The following ATXN10 variants were observed in gnomAD, a reference collection of about 807,000 sequenced individuals.
ATXN10 encodes ataxin-10.
A neutral mutation model predicts 52.9 loss-of-function variants in ATXN10; 28 were observed. The ratio of observed to expected loss-of-function variants is 0.53; its 90% confidence interval spans 0.39 to 0.73. The LOEUF (loss-of-function observed/expected upper bound fraction) is 0.73, where lower values mean the gene tolerates loss of function less well. Among genes scored for constraint, ATXN10 ranks in the 30% least tolerant of loss-of-function variants. The pLI, the probability that ATXN10 is intolerant of heterozygous loss-of-function variation, is 0.00. For missense variants in ATXN10, 565 were observed against 577.0 expected (o/e 0.98, Z 0.21); for synonymous variants, 226 against 221.5 (o/e 1.02, Z -0.18).
At chr22:45,748,352 G>A (rs1925818400) in intron 9 of ATXN10, among the ~76,000 whole-genome samples, 1 of 152,114 alleles carries the variant, frequency 6.6e-6, no homozygotes, top group South Asian at 2.1e-4. Context: ...ATTTCACAAG[G>A]ATTTGCAAAG....
rs1206973260 is a variant in ATXN10, at chr22:45,763,134, G to A, written c.1173+22596G>A. 1.3e-5 allele frequency among the ~76,000 whole-genome samples: 2 copies of A among 152,174 alleles called. No homozygotes were observed. Among genetic ancestry groups the A allele is most frequent in the Non-Finnish European group, 2.9e-5 (2 of 68,028 alleles). Reference sequence around the variant, plus strand: ...AGGAGGCCTAGGAAATGATGTTTCTGTGGCCTTCCTACCCCCTCTCCCTCA... The same window carrying A: ...AGGAGGCCTAGGAAATGATGTTTCTATGGCCTTCCTACCCCCTCTCCCTCA... On this transcript the variant is annotated intron_variant, in intron 9 of 11. Coordinates refer to ENST00000252934, the MANE Select transcript of ATXN10 (RefSeq NM_013236.4). This position sits in a 1 kb window ranked among gnomAD's most constrained non-coding sequence, Gnocchi z 6.9.
At chr22:45,729,341 C>T (rs914945318) in intron 6 of ATXN10, 84 bp from the exon 7 acceptor site, 1 of 1,358,380 alleles carries the variant, frequency 7.4e-7, no homozygotes, top group Admixed American at 1.7e-5. Flanking sequence ...AATAATATTC[C>T]CTTAAAGTTG....
In ATXN10 at chr22:45,787,411, T is replaced by C. The variant is rs1927357382; in HGVS notation, c.1174-19548T>C. 6.6e-6 allele frequency among the ~76,000 whole-genome samples: 1 copy of C among 152,140 alleles called. No homozygotes were observed. Among genetic ancestry groups the C allele is most frequent in the Non-Finnish European group, 1.5e-5 (1 of 68,012 alleles). On this transcript the variant is annotated intron_variant, in intron 9 of 11. Coordinates refer to ENST00000252934, the MANE Select transcript of ATXN10 (RefSeq NM_013236.4). This position sits in a 1 kb window ranked among gnomAD's most constrained non-coding sequence, Gnocchi z 4.2. ...TCTTGATCTGCCTCCTGGCCCCTTTTCCCTCAAGGCACTAGGGAGACAGGA... is the reference window on the plus strand; with the variant it reads ...TCTTGATCTGCCTCCTGGCCCCTTTCCCCTCAAGGCACTAGGGAGACAGGA...
intron 10 of ATXN10, among the ~76,000 whole-genome samples, chr22:45,836,428 C>CT (rs1056268880): frequency 6.6e-6 from 1 of 152,200 alleles, no homozygotes; most frequent in African/African-American, 2.4e-5. Flanking sequence ...CTCCTGCCTC[C>CT]TGCCTTGCTC....
At chr22:45,729,757 T>C (rs1382297498) in intron 7 of ATXN10, 167 bp downstream of exon 7, 1 of 791,210 alleles carries the variant, frequency 1.3e-6, no homozygotes, top group Admixed American at 2.0e-5. Context: ...GAAAACAGTG[T>C]CCTTATTCCT....
At chr22:45,748,396 G>A (rs1370743254) in intron 9 of ATXN10, among the ~76,000 whole-genome samples, 1 of 152,162 alleles carries the variant, frequency 6.6e-6, no homozygotes, top group African/African-American at 2.4e-5. Context: ...CATTCTGTGT[G>A]TATTACTTTT....
At chr22:45,794,006 T>C (rs566110798) in intron 9 of ATXN10, among the ~76,000 whole-genome samples, 2 of 152,316 alleles carry the variant, frequency 1.3e-5, no homozygotes, top group Admixed American at 1.3e-4. Context: ...TTTAACTATA[T>C]GCGAATTAAG....
intron 1 of ATXN10, chr22:45,674,269 G>GAATGAGGA (rs1922594424): frequency 6.6e-6 from 1 of 152,246 alleles, no homozygotes. Context: ...GTGGGGGGGA[G>GAATGAGGA]AATGAGGAAA....
chr22:45,779,962 T>A (rs1439035941), intron 9 of ATXN10, among the ~76,000 whole-genome samples: 1 of 152,236 alleles, frequency 6.6e-6, no homozygotes, highest in Non-Finnish European at 1.5e-5. Flanking sequence ...ACTCCAATGA[T>A]TTTACCAATC....
intron 9 of ATXN10, among the ~76,000 whole-genome samples, chr22:45,760,278 C>T (rs1162220661): frequency 6.6e-6 from 1 of 152,036 alleles, no homozygotes; most frequent in Non-Finnish European, 1.5e-5. Flanking sequence ...GAGAGTGTGC[C>T]CTCATTAATA....
chr22:45,839,205 C>G (rs743849), intron 10 of ATXN10, among the ~76,000 whole-genome samples: 114 of 152,316 alleles, frequency 7.5e-4, no homozygotes, highest in African/African-American at 2.6e-3. Context: ...GGTCTTGTGG[C>G]CTTATTTCTT....
At chr22:45,682,985 C>G (rs1431797149) in intron 1 of ATXN10, among the ~76,000 whole-genome samples, 1 of 152,204 alleles carries the variant, frequency 6.6e-6, no homozygotes, top group Non-Finnish European at 1.5e-5. Context: ...CAAAGAGATC[C>G]TTTTAACATG....
Position 45,705,569 on chromosome 22 carries a change from A to T in ATXN10, c.647+2722A>T, listed in dbSNP as rs1035034466. 6.8e-4 allele frequency among the ~76,000 whole-genome samples: 104 copies of T among 152,046 alleles called. No homozygotes were observed. The highest frequency in any genetic ancestry group is 2.4e-3 in the African/African-American group (101 of 41,468). Reference sequence around the variant, plus strand: ...TGCCTCAGTCTCCTGAATAGCTGGGATTGCAGGTGCCCGCCACCACACCCG... The same window carrying T: ...TGCCTCAGTCTCCTGAATAGCTGGGTTTGCAGGTGCCCGCCACCACACCCG... On this transcript the variant is annotated intron_variant, in intron 5 of 11. Transcript: ENST00000252934. The surrounding 1 kb of genome is among the most constrained non-coding windows in gnomAD (Gnocchi z 5.2).
rs1161649035 is a variant in ATXN10, at chr22:45,789,634, A to T, written c.1174-17325A>T. 6.6e-6 allele frequency among the ~76,000 whole-genome samples: 1 copy of T among 152,206 alleles called. No homozygotes were observed. The highest frequency in any genetic ancestry group is 1.5e-5 in the Non-Finnish European group (1 of 68,040). ...ATACAGCTCTCTCCACGACAAGAAG[A>T]AGAGAGGGAGAGCCTTCTAACCCAT... On this transcript the variant is annotated intron_variant, in intron 9 of 11. Coordinates refer to ENST00000252934, the MANE Select transcript of ATXN10 (RefSeq NM_013236.4). This position sits in a 1 kb window ranked among gnomAD's most constrained non-coding sequence, Gnocchi z 4.0.
At position 45,750,075 on chromosome 22, in the gene ATXN10, A is replaced by C. The variant is rs2146814580; in HGVS notation, c.1173+9537A>C. Among the ~76,000 whole-genome samples, 1 of 152,126 alleles carries C rather than the reference A, an allele frequency of 6.6e-6. No individual in the cohort carries two copies. Among genetic ancestry groups the C allele is most frequent in the Middle Eastern group, 3.4e-3 (1 of 294 alleles). ...TTTTCTTTACTTACGCCATATGATC[A>C]ATTTTTAGATAACAGACGTTTTAAT... On this transcript the variant is annotated intron_variant, in intron 9 of 11. Coordinates refer to ENST00000252934, the MANE Select transcript of ATXN10 (RefSeq NM_013236.4). The surrounding 1 kb of genome is among the most constrained non-coding windows in gnomAD (Gnocchi z 4.2).
chr22:45,738,933 T>A (rs1284235527), intron 8 of ATXN10, 94 bp downstream of exon 8: 21 of 1,155,312 alleles, frequency 1.8e-5, no homozygotes, highest in Non-Finnish European at 2.6e-5. Flanking sequence ...TAATTTTCAG[T>A]GTACTTTGGG....
rs532083771 is a variant in ATXN10, at chr22:45,782,504, G to A, written c.1174-24455G>A. 2.8e-4 allele frequency among the ~76,000 whole-genome samples: 43 copies of A among 152,318 alleles called. 1 individual carries two copies. In the South Asian group the frequency reaches 8.9e-3, roughly 32 times the overall value. ...ACAGAGGGAGCTTCTGGGAGGTGCA[G>A]CAGCTGGGCACAAGAGAGTGCCTAC... is the stretch of plus-strand genomic sequence containing the variant. On this transcript the variant is annotated intron_variant, in intron 9 of 11. Coordinates refer to ENST00000252934, the MANE Select transcript of ATXN10 (RefSeq NM_013236.4).
chr22:45,671,908 A>C lies in ATXN10; in HGVS notation c.-156A>C. The stretch of plus-strand genomic sequence containing the variant: ...TCCGGCGGCGGCGCAGCTTCAGGGC[A>C]GCGCGGGCTGCAGCGGCGGCGGCGG... On this transcript the variant is annotated 5_prime_UTR_variant, in exon 1 of 12. Coordinates refer to ENST00000252934, the MANE Select transcript of ATXN10 (RefSeq NM_013236.4). 2.6e-6 allele frequency: 2 copies of C among 782,274 alleles called. No homozygotes were observed. The highest frequency in any genetic ancestry group is 1.9e-6 in the Non-Finnish European group (1 of 514,708). The allele number at this position is 782,274 out of a possible 1,614,324, so 48.5% of individuals were successfully genotyped here.
intron 9 of ATXN10, among the ~76,000 whole-genome samples, chr22:45,803,672 G>A (rs1040878092): frequency 6.6e-6 from 1 of 152,106 alleles, no homozygotes; most frequent in Non-Finnish European, 1.5e-5. Flanking sequence ...TCAGCACAAG[G>A]CAAAGGCATT....
Sources: gnomAD v4.1 joint callset for allele counts (sites outside exome capture counted in the v4.1 genomes callset) on GRCh38, gnomAD v4.1.1 for gene constraint, Gnocchi (gnomAD v3.1) non-coding constraint, MANE v1.5 for transcripts, NCBI Gene and HGNC (gene_info 2026-07-23, HGNC 2026-07-21) for gene names.